Variants in LARP1 observed in about 807,000 individuals in gnomAD.
LARP1 encodes the protein la-related protein 1.
LARP1 carries 36 observed loss-of-function variants against 122.7 expected under a neutral mutation model. The observed-to-expected ratio is 0.29, with a 90% CI of 0.22 to 0.39. LARP1 has a LOEUF of 0.39. Among genes scored for constraint, LARP1 ranks in the 10% least tolerant of loss-of-function variants. The probability of loss-of-function intolerance (pLI) is 1.00; values close to 1 mark genes in which losing one functional copy is unlikely to be tolerated. For synonymous variants in LARP1, 539 were observed against 528.7 expected (o/e 1.02, Z -0.27); for missense variants, 1,040 against 1,403.6 (o/e 0.74, Z 4.14).
chr5:154,766,679 C>G (rs1754981954), intron 1 of LARP1, among the ~76,000 whole-genome samples: 1 of 152,160 alleles, frequency 6.6e-6, no homozygotes, highest in Non-Finnish European at 1.5e-5. Context: ...GCCCCCTTCT[C>G]CTGGGGTGGT....
intron 1 of LARP1, among the ~76,000 whole-genome samples, chr5:154,688,106 C>T (rs1032784034): frequency 6.6e-6 from 1 of 152,120 alleles, no homozygotes; most frequent in Non-Finnish European, 1.5e-5. Context: ...GTCTTTGATG[C>T]TTCGGGTCTG....
Position 154,808,579 on chromosome 5 carries a change from T to C in LARP1, c.2819T>C (p.Leu940Pro), listed in dbSNP as rs759126425. The change falls in exon 16 of 19, where the codon CTG (leucine) becomes CCG (proline). Residue 940 changes from leucine (L) to proline (P), a missense_variant. Leu to Pro is a moderately conservative substitution (Grantham distance 98, BLOSUM62 -3). This residue lies in a region of LARP1 where 59 missense variants were observed against 137.2 expected (regional missense o/e 0.43). Transcript: ENST00000518297. ...TATGAGGAGTTCAAGCAGCTGGCTC[T>C]GGAGGACGCCAAAGAAGGCTACAGG... ...KMYEEFKQLA[L>P]EDAKEGYRYG... The C allele has an allele frequency of 1.2e-6, 2 of 1,613,558 alleles. No individual in the cohort carries two copies. Among genetic ancestry groups the C allele is most frequent in the Non-Finnish European group, 1.7e-6 (2 of 1,179,912 alleles).
At chr5:154,801,603 T>C (rs1318471674) in intron 10 of LARP1, among the ~76,000 whole-genome samples, 1 of 152,226 alleles carries the variant, frequency 6.6e-6, no homozygotes, top group Non-Finnish European at 1.5e-5. Context: ...GCAAGGCAGC[T>C]GTGGATCATG....
intron 3 of LARP1, chr5:154,791,822 T>C: frequency 2.7e-6 from 1 of 369,264 alleles, no homozygotes; most frequent in Non-Finnish European, 5.7e-6. Flanking sequence ...AAGTCCTGTG[T>C]ATAAGTGGAC....
intron 15 of LARP1, among the ~76,000 whole-genome samples, chr5:154,808,099 A>G (rs1476428012): frequency 1.3e-5 from 2 of 152,208 alleles, no homozygotes; most frequent in Non-Finnish European, 2.9e-5. Context: ...TGAGGTAAAT[A>G]TTGGTAATGA....
upstream of LARP1, among the ~76,000 whole-genome samples, chr5:154,754,521 G>T (rs1753676235): frequency 6.6e-6 from 1 of 151,698 alleles, no homozygotes; most frequent in Non-Finnish European, 1.5e-5. Flanking sequence ...CAATTCTTTA[G>T]AAAAAAAACG....
At chr5:154,684,594 G>A (rs1300125077) in intron 1 of LARP1, among the ~76,000 whole-genome samples, 1 of 152,056 alleles carries the variant, frequency 6.6e-6, no homozygotes, top group Non-Finnish European at 1.5e-5. Context: ...TTGCGCTTCC[G>A]GTCTATTCAT....
At chr5:154,756,856 G>C (rs1455709193) in intron 1 of LARP1, among the ~76,000 whole-genome samples, 1 of 152,066 alleles carries the variant, frequency 6.6e-6, no homozygotes, top group Non-Finnish European at 1.5e-5. Flanking sequence ...TCCGCCTTAA[G>C]AAGGAGCCCG....
intron 1 of LARP1, among the ~76,000 whole-genome samples, chr5:154,781,064 G>A (rs148061967): frequency 1.6e-3 from 247 of 152,138 alleles, no homozygotes; most frequent in African/African-American, 5.4e-3. Flanking sequence ...GTGAGACTCC[G>A]TCTCAAAAAA....
Position 154,741,169 on chromosome 5 carries a change from C to T in LARP1, c.205+28039C>T, listed in dbSNP as rs1752863281. ...AGTGCAGCGCGGTGGAGATGCAACA[C>T]GCCAGGCTCACTCCTGGGCTTGAGG... On this transcript the variant is annotated intron_variant, in intron 1 of 18. Coordinates refer to the LARP1 transcript ENST00000336314. Among the ~76,000 whole-genome samples, 4 of 152,174 alleles carry T rather than the reference C, an allele frequency of 2.6e-5. No homozygotes were observed. The South Asian group carries it at 6.2e-4, about 24-fold the overall frequency.
chr5:154,724,158 G>C lies in LARP1; in HGVS notation c.205+11028G>C, dbSNP rs141702987. Among the ~76,000 whole-genome samples, 278 of 152,310 alleles carry C rather than the reference G, an allele frequency of 1.8e-3. 2 individuals carry two copies. The highest frequency in any genetic ancestry group is 3.4e-3 in the Middle Eastern group (1 of 294). On this transcript the variant is annotated intron_variant, in intron 1 of 18. Coordinates refer to the LARP1 transcript ENST00000336314. ...CCTAAAACTGGTAGAAAGAAAGCTG[G>C]AATAAGGCACCTTGTTTACTATACT... is the stretch of plus-strand genomic sequence containing the variant.
At chr5:154,791,597 T>G (rs1757359944) in intron 3 of LARP1, among the ~76,000 whole-genome samples, 1 of 152,154 alleles carries the variant, frequency 6.6e-6, no homozygotes, top group African/African-American at 2.4e-5. Flanking sequence ...AACCTTTGCT[T>G]TGTTAGAGAC....
chr5:154,738,144 G>T (rs545174617), intron 1 of LARP1, among the ~76,000 whole-genome samples: 6 of 152,180 alleles, frequency 3.9e-5, no homozygotes, highest in Non-Finnish European at 8.8e-5. Flanking sequence ...TAAACCATGC[G>T]TGTGTGGGAT....
intron 8 of LARP1, among the ~76,000 whole-genome samples, chr5:154,795,900 ATATTATATATT>A (rs1240155849): frequency 4.0e-5 from 5 of 125,610 alleles, no homozygotes; most frequent in African/African-American, 1.5e-4. Flanking sequence ...ATATATTTAT[ATATTATATATT>A]TATTATATAT....
intron 1 of LARP1, among the ~76,000 whole-genome samples, chr5:154,774,171 A>T (rs1755671510): frequency 1.3e-5 from 2 of 151,218 alleles, no homozygotes; most frequent in African/African-American, 4.9e-5. Context: ...CCTTTGGAGG[A>T]GGGCTGAGGA....
chr5:154,710,763 AAT>A (rs1554079759), upstream of LARP1, among the ~76,000 whole-genome samples: 5 of 142,482 alleles, frequency 3.5e-5, no homozygotes, highest in Admixed American at 7.1e-5. Context: ...AAAAAAAAAA[AAT>A]CATACTGAAA....
intron 1 of LARP1, among the ~76,000 whole-genome samples, chr5:154,692,030 G>C (rs1219856157): frequency 2.6e-5 from 4 of 152,108 alleles, no homozygotes; most frequent in African/African-American, 9.7e-5. Context: ...GACCTCAGGC[G>C]ATCCACCCGC....
chr5:154,807,852 C>T (rs1315965731), intron 15 of LARP1, among the ~76,000 whole-genome samples: 5 of 152,170 alleles, frequency 3.3e-5, no homozygotes, highest in Admixed American at 3.3e-4. Context: ...CCTTGCCCAG[C>T]CAAGATGCTT....
At chr5:154,786,369 T>C (rs1310018047) in intron 1 of LARP1, 3 of 431,578 alleles carry the variant, frequency 7.0e-6, no homozygotes, top group East Asian at 1.4e-4. Context: ...CAAAGGCTTG[T>C]GTGTATTTAA....
Sources: gnomAD v4.1 joint callset for allele counts (sites outside exome capture counted in the v4.1 genomes callset) on GRCh38, gnomAD v4.1.1 for gene constraint, gnomAD v4.1.1 regional missense constraint, MANE v1.5 for transcripts, NCBI Gene and HGNC (gene_info 2026-07-23, HGNC 2026-07-21) for gene names.